Variants in CDH13 observed in about 807,000 individuals in gnomAD.
CDH13 encodes cadherin-13.
In CDH13, 24 loss-of-function variants were observed where a neutral mutation model predicts 63.8. The ratio of observed to expected loss-of-function variants is 0.38; its 90% CI spans 0.27 to 0.53. The LOEUF (loss-of-function observed/expected upper bound fraction) is 0.53, where lower values mean the gene tolerates loss of function less well. Ranked by LOEUF, CDH13 falls within the 20% of genes least tolerant of loss-of-function variation. The probability of loss-of-function intolerance (pLI) is 0.85; values close to 1 mark genes in which losing one functional copy is unlikely to be tolerated. For synonymous variants in CDH13, 503 were observed against 355.3 expected (o/e 1.42, Z -4.67); for missense variants, 1,049 against 903.1 (o/e 1.16, Z -2.07).
intron 6 of CDH13, among the ~76,000 whole-genome samples, chr16:83,425,286 G>T (rs1383334394): frequency 1.3e-5 from 2 of 152,230 alleles, no homozygotes; most frequent in African/African-American, 4.8e-5. Flanking sequence ...GTTAGTTCCA[G>T]CCAGTGTTTC....
At position 82,644,592 on chromosome 16, in the gene CDH13, A is replaced by G. The variant is rs1430934749; in HGVS notation, c.45+17455A>G. ...TGGAAGGGGAGGCTTTATGGAGGCA[A>G]AGCTGAGGGGCTGTACGTGTCTTCA... On this transcript the variant is annotated intron_variant, in intron 1 of 13. Transcript: ENST00000567109. This position sits in a 1 kb window ranked among gnomAD's most constrained non-coding sequence, Gnocchi z 5.7. Among the ~76,000 whole-genome samples the G allele has an allele frequency of 6.6e-6, 1 of 152,164 alleles. No individual in the cohort carries two copies. Among genetic ancestry groups the G allele is most frequent in the East Asian group, 1.9e-4 (1 of 5,188 alleles).
chr16:83,162,260 A>C (rs1033523734), intron 4 of CDH13, among the ~76,000 whole-genome samples: 2 of 152,118 alleles, frequency 1.3e-5, no homozygotes, highest in Admixed American at 6.5e-5. Context: ...CATTGTCCTC[A>C]TCATCACCAT....
intron 1 of CDH13, among the ~76,000 whole-genome samples, chr16:82,717,279 A>G (rs961640924): frequency 3.3e-5 from 5 of 151,992 alleles, no homozygotes; most frequent in African/African-American, 1.2e-4. Context: ...TACTAAAAAT[A>G]CAAAAAATTA....
At chr16:82,886,883 C>G (rs574632899) in intron 2 of CDH13, among the ~76,000 whole-genome samples, 2 of 152,290 alleles carry the variant, frequency 1.3e-5, no homozygotes, top group South Asian at 4.1e-4. Context: ...CCTTCTAAGT[C>G]ATATTCACTC....
intron 3 of CDH13, among the ~76,000 whole-genome samples, chr16:83,083,147 T>A (rs933958138): frequency 4.6e-5 from 7 of 152,222 alleles, no homozygotes; most frequent in Non-Finnish European, 1.0e-4. Flanking sequence ...ATTCAGACTC[T>A]CCCATAACAA....
chr16:83,355,333 C>T (rs1202959826), intron 6 of CDH13, among the ~76,000 whole-genome samples: 2 of 152,198 alleles, frequency 1.3e-5, no homozygotes, highest in African/African-American at 4.8e-5. Context: ...TACAATAATA[C>T]TGTAAGCCTT....
At chr16:82,942,576 G>A (rs1904303488) in intron 2 of CDH13, among the ~76,000 whole-genome samples, 1 of 152,106 alleles carries the variant, frequency 6.6e-6, no homozygotes, top group Admixed American at 6.5e-5. Context: ...TGCATTCTAG[G>A]GCATGCCCTG....
chr16:83,258,620 A>T (rs112581803), intron 5 of CDH13, among the ~76,000 whole-genome samples: 4 of 152,228 alleles, frequency 2.6e-5, no homozygotes, highest in African/African-American at 9.6e-5. Flanking sequence ...TGGCCAACAC[A>T]TAGGTGCCAG....
In CDH13 at chr16:83,430,990, C is replaced by G. The variant is rs191242118; in HGVS notation, c.782-55487C>G. Among the ~76,000 whole-genome samples, 115 of 146,482 alleles carry G rather than the reference C, an allele frequency of 7.9e-4. 1 individual carries two copies. The East Asian group carries it at 0.022, about 27-fold the overall frequency. On this transcript the variant is annotated intron_variant, in intron 6 of 13. Coordinates refer to ENST00000567109, the MANE Select transcript of CDH13 (RefSeq NM_001257.5). ...CCCTCCCCCCACCTCACAACAGTCC[C>G]CAAAGTGTGATGTTCCCCTTCCTGT...
intron 8 of CDH13, among the ~76,000 whole-genome samples, chr16:83,611,544 T>A (rs750052310): frequency 6.6e-6 from 1 of 152,110 alleles, no homozygotes; most frequent in Non-Finnish European, 1.5e-5. Context: ...TTTGTTTTTT[T>A]CCTTCTATCT....
At chr16:82,979,276 G>A (rs1445130135) in intron 2 of CDH13, among the ~76,000 whole-genome samples, 1 of 152,164 alleles carries the variant, frequency 6.6e-6, no homozygotes, top group African/African-American at 2.4e-5. Flanking sequence ...TTCAGTTAAT[G>A]CTGGACTGAG....
intron 2 of CDH13, among the ~76,000 whole-genome samples, chr16:83,018,025 A>G (rs1299753561): frequency 6.6e-6 from 1 of 152,160 alleles, no homozygotes; most frequent in Non-Finnish European, 1.5e-5. Flanking sequence ...TTCACTCAGT[A>G]ATTTTTGCAT....
chr16:83,748,352 G>A, intron 11 of CDH13, 102 bp downstream of exon 11: 2 of 1,057,904 alleles, frequency 1.9e-6, no homozygotes, highest in Non-Finnish European at 2.7e-6. Flanking sequence ...TTCTTGGGAA[G>A]AATGTAAGTG....
intron 6 of CDH13, among the ~76,000 whole-genome samples, chr16:83,481,205 T>A (rs2073752440): frequency 6.6e-6 from 1 of 152,218 alleles, no homozygotes; most frequent in Admixed American, 6.5e-5. Context: ...AACTGTGCTA[T>A]CAGAAATCCA....
chr16:83,395,135 G>A (rs1416638544), intron 6 of CDH13, among the ~76,000 whole-genome samples: 13 of 124,554 alleles, frequency 1.0e-4, no homozygotes, highest in Non-Finnish European at 1.5e-4. Context: ...ACGACAGAGC[G>A]AGACTCCATC....
chr16:83,054,671 G>T (rs529797853), intron 3 of CDH13, among the ~76,000 whole-genome samples: 1 of 152,110 alleles, frequency 6.6e-6, no homozygotes, highest in African/African-American at 2.4e-5. Context: ...ACAGATAAGA[G>T]GGTGACTGGT....
intron 5 of CDH13, among the ~76,000 whole-genome samples, chr16:83,239,355 C>G (rs1440906762): frequency 6.6e-6 from 1 of 152,124 alleles, no homozygotes; most frequent in East Asian, 1.9e-4. Flanking sequence ...GAGGGGAAAG[C>G]CCTTTCTAAA....
At chr16:83,011,775 C>G (rs1914183491) in intron 2 of CDH13, among the ~76,000 whole-genome samples, 1 of 152,166 alleles carries the variant, frequency 6.6e-6, no homozygotes, top group East Asian at 1.9e-4. Context: ...CGCTATTTTA[C>G]TCTCCCAAAC....
intron 2 of CDH13, among the ~76,000 whole-genome samples, chr16:83,010,732 A>G (rs1313821532): frequency 6.6e-6 from 1 of 152,130 alleles, no homozygotes; most frequent in Non-Finnish European, 1.5e-5. Context: ...TATTTTTTCT[A>G]AAAAAGGAAT....
Sources: allele counts gnomAD v4.1 joint callset (sites outside exome capture counted in the v4.1 genomes callset), GRCh38; gene constraint gnomAD v4.1.1; non-coding constraint Gnocchi (gnomAD v3.1); transcripts MANE v1.5; gene names NCBI Gene and HGNC (gene_info 2026-07-23, HGNC 2026-07-21).